Variants in HS6ST3 observed in about 807,000 individuals in gnomAD.
The protein encoded by HS6ST3 is heparan sulfate 6-O-sulfotransferase 3, also known as heparan-sulfate 6-O-sulfotransferase 3.
HS6ST3 carries 12 observed loss-of-function variants against 36.7 expected under a neutral mutation model. That is an observed-to-expected ratio of 0.33 (90% CI 0.21 to 0.53). HS6ST3 has a LOEUF of 0.53. Among genes scored for constraint, HS6ST3 ranks in the 20% least tolerant of loss-of-function variants. HS6ST3 has a pLI of 0.95. For missense variants in HS6ST3, 584 were observed against 640.9 expected, an observed-to-expected ratio of 0.91 and a Z score of 0.96; for synonymous variants, 240 against 257.5, an observed-to-expected ratio of 0.93 and a Z score of 0.65.
intron 1 of HS6ST3, among the ~76,000 whole-genome samples, chr13:96,224,877 T>C (rs138251922): frequency 7.2e-5 from 11 of 152,358 alleles, no homozygotes; most frequent in African/African-American, 1.7e-4. Context: ...TTACTTTGAT[T>C]TCTTTTAGGC....
chr13:96,450,668 C>A (rs1323489276), intron 1 of HS6ST3, among the ~76,000 whole-genome samples: 1 of 152,066 alleles, frequency 6.6e-6, no homozygotes, highest in African/African-American at 2.4e-5. Context: ...GGCTAACTTG[C>A]CTATAGAAAC....
chr13:96,363,345 T>G (rs1764408423), intron 1 of HS6ST3, among the ~76,000 whole-genome samples: 1 of 151,750 alleles, frequency 6.6e-6, no homozygotes, highest in Admixed American at 6.6e-5. Context: ...AATTTAAAGT[T>G]TAAAGCAAAG....
intron 1 of HS6ST3, among the ~76,000 whole-genome samples, chr13:96,306,794 A>G (rs188280550): frequency 6.6e-6 from 1 of 152,308 alleles, no homozygotes; most frequent in Admixed American, 6.5e-5. Context: ...TTAGCTCTGT[A>G]TCTTCAAGAG....
intron 1 of HS6ST3, among the ~76,000 whole-genome samples, chr13:96,414,564 C>CG (rs1201494939): frequency 6.6e-6 from 1 of 151,564 alleles, no homozygotes; most frequent in Non-Finnish European, 1.5e-5. Context: ...CTCACTGCTA[C>CG]TTCTGCCTCC....
At chr13:96,578,769 A>C (rs1323755839) in intron 1 of HS6ST3, among the ~76,000 whole-genome samples, 1 of 152,086 alleles carries the variant, frequency 6.6e-6, no homozygotes, top group Non-Finnish European at 1.5e-5. Context: ...TATGTTGGCC[A>C]GGCTGGTCTT....
chr13:96,135,360 G>T (rs760998627), intron 1 of HS6ST3, among the ~76,000 whole-genome samples: 1 of 152,116 alleles, frequency 6.6e-6, no homozygotes, highest in Non-Finnish European at 1.5e-5. Context: ...GTTATGGTAA[G>T]AACACACAGT....
chr13:96,656,459 A>G (rs894162097), intron 1 of HS6ST3, among the ~76,000 whole-genome samples: 1 of 152,188 alleles, frequency 6.6e-6, no homozygotes, highest in East Asian at 1.9e-4. Context: ...TCCAAGAGAT[A>G]TGACAGAAAT....
At chr13:96,706,110 G>A (rs562531957) in intron 1 of HS6ST3, among the ~76,000 whole-genome samples, 89 of 152,064 alleles carry the variant, frequency 5.9e-4, no homozygotes, top group Non-Finnish European at 1.1e-3. Flanking sequence ...TTTATTCTTC[G>A]TAAGAAAGGA....
intron 1 of HS6ST3, among the ~76,000 whole-genome samples, chr13:96,242,772 T>C (rs1159812793): frequency 2.6e-5 from 4 of 152,194 alleles, no homozygotes; most frequent in African/African-American, 9.6e-5. Context: ...TAGTGATTCC[T>C]AAAAGATTTA....
At chr13:96,427,300 A>T (rs188751022) in intron 1 of HS6ST3, 1 of 154,336 alleles carries the variant, frequency 6.5e-6, no homozygotes, top group African/African-American at 2.4e-5. Context: ...TTTATAAGTG[A>T]TAGTGCTATT....
chr13:96,173,023 T>G (rs182470319), intron 1 of HS6ST3, among the ~76,000 whole-genome samples: 3 of 152,188 alleles, frequency 2.0e-5, no homozygotes, highest in Admixed American at 2.0e-4. Flanking sequence ...CAGATAAAGA[T>G]GTGAACAAAG....
At chr13:96,608,042 A>T (rs371753770) in intron 1 of HS6ST3, among the ~76,000 whole-genome samples, 7 of 152,212 alleles carry the variant, frequency 4.6e-5, no homozygotes, top group African/African-American at 1.7e-4. Context: ...ACTGAATTTG[A>T]GCTTCAGTAA....
chr13:96,161,586 A>G (rs1400721899), intron 1 of HS6ST3, among the ~76,000 whole-genome samples: 2 of 152,190 alleles, frequency 1.3e-5, no homozygotes, highest in Non-Finnish European at 2.9e-5. Flanking sequence ...GAATAATACT[A>G]AACTCAATGA....
chr13:96,711,357 G>A (rs561741212), intron 1 of HS6ST3, among the ~76,000 whole-genome samples: 5 of 152,102 alleles, frequency 3.3e-5, no homozygotes, highest in East Asian at 1.9e-4. Context: ...GATATGTAAC[G>A]TATAACTTCC....
At chr13:96,674,414 C>A (rs543211237) in intron 1 of HS6ST3, among the ~76,000 whole-genome samples, 2 of 152,208 alleles carry the variant, frequency 1.3e-5, no homozygotes, top group African/African-American at 4.8e-5. Flanking sequence ...TGTGAAACCT[C>A]CAAAGGTCAA....
At chr13:96,529,718 A>G (rs557446705) in intron 1 of HS6ST3, among the ~76,000 whole-genome samples, 5 of 152,294 alleles carry the variant, frequency 3.3e-5, no homozygotes, top group Non-Finnish European at 7.4e-5. Context: ...TAACATTTAG[A>G]TGATTTTTTA....
At chr13:96,415,652 G>A (rs1413309652) in intron 1 of HS6ST3, among the ~76,000 whole-genome samples, 1 of 152,136 alleles carries the variant, frequency 6.6e-6, no homozygotes, top group Admixed American at 6.5e-5. Context: ...AATGGCTGAT[G>A]TTCTCTGTGG....
At chr13:96,799,724 A>G (rs1488980621) in intron 1 of HS6ST3, among the ~76,000 whole-genome samples, 1 of 151,312 alleles carries the variant, frequency 6.6e-6, no homozygotes, top group East Asian at 2.0e-4. Flanking sequence ...TGGCACATGT[A>G]TACATATGTA....
chr13:96,519,634 C>G (rs1364698323), intron 1 of HS6ST3, among the ~76,000 whole-genome samples: 1 of 152,188 alleles, frequency 6.6e-6, no homozygotes, highest in Admixed American at 6.6e-5. Context: ...TTTGCCTATT[C>G]ATAGCTTAGG....
Sources: allele counts gnomAD v4.1 joint callset (sites outside exome capture counted in the v4.1 genomes callset), GRCh38; gene constraint gnomAD v4.1.1; transcripts MANE v1.5; gene names NCBI Gene and HGNC (gene_info 2026-07-23, HGNC 2026-07-21).